Variants in ADAMTSL1 observed in about 807,000 individuals in gnomAD.
ADAMTSL1 encodes ADAMTS-like protein 1.
Under a neutral mutation model 201.8 loss-of-function variants are expected in ADAMTSL1, and 126 were observed. The ratio of observed to expected loss-of-function variants is 0.62; its 90% CI spans 0.54 to 0.72. ADAMTSL1 has a LOEUF of 0.72. Ranked by LOEUF, ADAMTSL1 falls within the 30% of genes least tolerant of loss-of-function variation. ADAMTSL1 has a pLI of 0.00. For synonymous variants in ADAMTSL1, 1,121 were observed against 903.4 expected (o/e 1.24, Z -4.32); for missense variants, 2,679 against 2,277.8 (o/e 1.18, Z -3.59).
intron 1 of ADAMTSL1, among the ~76,000 whole-genome samples, chr9:18,041,885 G>GAGAGGA (rs1178713768): frequency 1.3e-5 from 2 of 152,072 alleles, no homozygotes; most frequent in African/African-American, 4.8e-5. Flanking sequence ...TCATACATCT[G>GAGAGGA]ATTTTAGAAA....
At chr9:18,202,414 A>G (rs191414938) in intron 2 of ADAMTSL1, among the ~76,000 whole-genome samples, 9 of 152,350 alleles carry the variant, frequency 5.9e-5, no homozygotes, top group African/African-American at 1.7e-4. Flanking sequence ...CGTGTGCTCA[A>G]TCTTCAGTGG....
At chr9:18,276,732 A>T (rs1832602809) in intron 2 of ADAMTSL1, among the ~76,000 whole-genome samples, 1 of 152,182 alleles carries the variant, frequency 6.6e-6, no homozygotes, top group Non-Finnish European at 1.5e-5. Flanking sequence ...AGAGGAGGTA[A>T]GAGGTGCCAA....
intron 2 of ADAMTSL1, among the ~76,000 whole-genome samples, chr9:18,465,344 C>T (rs1364774300): frequency 6.6e-6 from 1 of 152,214 alleles, no homozygotes. Flanking sequence ...AAACACACTT[C>T]TGTTTCTCAT....
rs151290562 is a variant in ADAMTSL1 at position 18,563,951 on chromosome 9, A to G, written c.238-10079A>G. Among the ~76,000 whole-genome samples, 12 of 152,252 alleles carry G rather than the reference A, an allele frequency of 7.9e-5. No homozygotes were observed. In the East Asian group the frequency reaches 2.3e-3, roughly 29 times the overall value. On this transcript the variant is annotated intron_variant, in intron 3 of 28. Coordinates refer to ENST00000380548, the MANE Select transcript of ADAMTSL1 (RefSeq NM_001040272.6). ...AGTGGATCTTAGCTTGCTGGACTCC[A>G]TGGGGGTGGCATCCGCTAAGCTAGA...
chr9:18,470,219 C>T (rs1266421918), upstream of ADAMTSL1, among the ~76,000 whole-genome samples: 3 of 152,156 alleles, frequency 2.0e-5, no homozygotes, highest in Non-Finnish European at 4.4e-5. Context: ...ATAATAATCA[C>T]TCTCTAACTC....
At chr9:18,523,237 T>G (rs1469764421) in intron 2 of ADAMTSL1, among the ~76,000 whole-genome samples, 1 of 152,242 alleles carries the variant, frequency 6.6e-6, no homozygotes, top group Non-Finnish European at 1.5e-5. Flanking sequence ...CATAAATGTC[T>G]TCTTTTGAGA....
intron 1 of ADAMTSL1, among the ~76,000 whole-genome samples, chr9:18,493,779 T>C (rs1384325317): frequency 6.6e-6 from 1 of 152,240 alleles, no homozygotes; most frequent in Admixed American, 6.5e-5. Context: ...TGAATGTATA[T>C]GGACAAGAGT....
At chr9:18,681,453 A>C (rs1830463540) in intron 11 of ADAMTSL1, 1 of 155,764 alleles carries the variant, frequency 6.4e-6, no homozygotes, top group Non-Finnish European at 1.4e-5. Context: ...AAAGTAACTA[A>C]ATAAAATACA....
chr9:18,161,806 A>C (rs1827401041), intron 1 of ADAMTSL1, among the ~76,000 whole-genome samples: 1 of 152,058 alleles, frequency 6.6e-6, no homozygotes, highest in Non-Finnish European at 1.5e-5. Context: ...CAGAAAATTA[A>C]TTTTAAACGT....
At chr9:18,149,665 A>G (rs1367740061) in intron 1 of ADAMTSL1, among the ~76,000 whole-genome samples, 2 of 152,200 alleles carry the variant, frequency 1.3e-5, no homozygotes, top group South Asian at 4.1e-4. Context: ...GTAGAAGTGA[A>G]GAGTTGACAC....
At chr9:18,496,525 G>A (rs1587375538) in intron 1 of ADAMTSL1, among the ~76,000 whole-genome samples, 1 of 152,142 alleles carries the variant, frequency 6.6e-6, no homozygotes, top group Admixed American at 6.5e-5. Context: ...GTCAACCAAA[G>A]AAAAGAGAAA....
intron 13 of ADAMTSL1, among the ~76,000 whole-genome samples, chr9:18,693,706 T>C (rs963521251): frequency 1.3e-5 from 2 of 152,230 alleles, no homozygotes; most frequent in Non-Finnish European, 2.9e-5. Context: ...GAAAAATTAT[T>C]TATTGAGCTG....
chr9:18,003,914 C>G (rs1173715952), intron 1 of ADAMTSL1, among the ~76,000 whole-genome samples: 2 of 151,950 alleles, frequency 1.3e-5, no homozygotes, highest in East Asian at 3.9e-4. Flanking sequence ...ACATTCAAAT[C>G]GTTTTCCCAC....
chr9:18,419,362 A>G (rs1818835069), intron 2 of ADAMTSL1, among the ~76,000 whole-genome samples: 1 of 150,388 alleles, frequency 6.6e-6, no homozygotes, highest in Admixed American at 6.7e-5. Context: ...AATCAGAACT[A>G]TTAATTGGAC....
chr9:18,820,995 G>A (rs1824175385), intron 21 of ADAMTSL1, among the ~76,000 whole-genome samples: 8 of 152,220 alleles, frequency 5.3e-5, no homozygotes, highest in Admixed American at 5.2e-4. Flanking sequence ...AGAGAAGAAA[G>A]TAGCATATGA....
At chr9:18,468,162 T>C (rs1821076823) in intron 2 of ADAMTSL1, among the ~76,000 whole-genome samples, 1 of 152,202 alleles carries the variant, frequency 6.6e-6, no homozygotes, top group African/African-American at 2.4e-5. Flanking sequence ...AGGTGCTCAG[T>C]AAGTGTTTGT....
intron 1 of ADAMTSL1, among the ~76,000 whole-genome samples, chr9:18,043,942 T>C (rs919620547): frequency 1.3e-5 from 2 of 148,960 alleles, no homozygotes; most frequent in Non-Finnish European, 3.0e-5. Flanking sequence ...AAATTTCTAG[T>C]GAATTTCTAC....
chr9:18,318,580 A>G (rs1793063398), intron 2 of ADAMTSL1, among the ~76,000 whole-genome samples: 1 of 152,144 alleles, frequency 6.6e-6, no homozygotes, highest in East Asian at 1.9e-4. Context: ...TTCTTTCTGA[A>G]CCACTGGTTC....
At position 18,277,396 on chromosome 9, in the gene ADAMTSL1, A is replaced by G. The variant is rs1306881592; in HGVS notation, c.207+113415A>G. On this transcript the variant is annotated intron_variant, in intron 2 of 29. Coordinates refer to the ADAMTSL1 transcript ENST00000680146. ...TCTATTTCTCCCTTCAGTTCTGTTA[A>G]TAATATTTGGTTTATATATTTAAAT... Among the ~76,000 whole-genome samples, 10 of 152,240 alleles carry G rather than the reference A, an allele frequency of 6.6e-5. No individual in the cohort carries two copies. In the East Asian group the frequency reaches 1.9e-3, roughly 29 times the overall value.
Sources: allele counts gnomAD v4.1 joint callset (sites outside exome capture counted in the v4.1 genomes callset), GRCh38; gene constraint gnomAD v4.1.1; transcripts MANE v1.5; gene names NCBI Gene and HGNC (gene_info 2026-07-23, HGNC 2026-07-21).